DHX16: variants seen among roughly 807,000 people sequenced by gnomAD.
DHX16 encodes the protein DEAH-box helicase 16.
In DHX16, 81 loss-of-function variants were observed where a neutral mutation model predicts 131.2. The observed-to-expected ratio is 0.62, with a 90% confidence interval of 0.52 to 0.74. The LOEUF (loss-of-function observed/expected upper bound fraction) is 0.74, where lower values mean the gene tolerates loss of function less well. Ranked by LOEUF, DHX16 falls within the 30% of genes least tolerant of loss-of-function variation. The pLI is 0.00. For synonymous variants in DHX16, 440 were observed against 520.2 expected (o/e 0.85, Z 2.10); for missense variants, 980 against 1,363.1 (o/e 0.72, Z 4.43).
At chr6:30,667,694 G>A (rs1013807598) in intron 4 of DHX16, among the ~76,000 whole-genome samples, 1 of 152,038 alleles carries the variant, frequency 6.6e-6, no homozygotes, top group African/African-American at 2.4e-5. Context: ...TGGTAGAAAG[G>A]ATATTAATAC....
At chr6:30,657,330 T>TC (rs1304218017) in intron 12 of DHX16, among the ~76,000 whole-genome samples, 1 of 150,866 alleles carries the variant, frequency 6.6e-6, no homozygotes, top group African/African-American at 2.4e-5. Flanking sequence ...ATTTAGGGTT[T>TC]TTTTTTTTTT....
Position 30,671,233 on chromosome 6 carries a change from T to C in DHX16, c.249A>G (p.Ala83=). The part of the protein sequence containing the change: ...KAVVEKPARA[A]EREARALLEK... ...CCAGCAGGGCCCGGGCCTCTCGCTC[T>C]GCTGCCCGAGCTGGCTTTTCTACCA... The change falls in exon 2 of 20, where the codon GCA becomes GCG. Residue 83 remains alanine (A), a synonymous_variant. Coordinates refer to ENST00000376442, the MANE Select transcript of DHX16 (RefSeq NM_003587.5). 2 of 1,613,092 alleles carry C rather than the reference T, an allele frequency of 1.2e-6. No homozygotes were observed. Among genetic ancestry groups the C allele is most frequent in the Non-Finnish European group, 1.7e-6 (2 of 1,180,026 alleles).
In DHX16 at chr6:30,670,952, C is replaced by A; in HGVS notation, c.447G>T (p.Gly149=). ...GCTTCTCTGTCTGCTGTTTACTCCC[C>A]CTGCAGCCCATCCAGGGGATTAAAT... ...EASEKGKKKT[G]GSKQQTEKPE... Residue 149 remains glycine, a splice_region_variant and synonymous_variant, in exon 3 of 20, where the codon GGG becomes GGT. Coordinates refer to ENST00000376442, the MANE Select transcript of DHX16 (RefSeq NM_003587.5). This position sits in a 1 kb window ranked among gnomAD's most constrained non-coding sequence, Gnocchi z 4.4. 3.7e-6 allele frequency: 6 copies of A among 1,613,098 alleles called. No individual in the cohort carries two copies. Among genetic ancestry groups the A allele is most frequent in the Non-Finnish European group, 5.1e-6 (6 of 1,180,032 alleles).
Position 30,670,994 on chromosome 6 carries a change from C to CTTCA in DHX16, c.446+38_446+41dup, listed in dbSNP as rs1769485827. On this transcript the variant is annotated intron_variant, in intron 2 of 19. Transcript: ENST00000376442. This position sits in a 1 kb window ranked among gnomAD's most constrained non-coding sequence, Gnocchi z 4.4. Reference sequence around the variant, plus strand: ...GGATTAAATAAGGGCATAGAGAACACTTCAGCCTGCCCCATCCTCTCTCAC... The same window carrying CTTCA: ...GGATTAAATAAGGGCATAGAGAACACTTCATTCAGCCTGCCCCATCCTCTCTCAC... The CTTCA allele has an allele frequency of 6.2e-7, 1 of 1,612,920 alleles. No individual in the cohort carries two copies. The highest frequency in any genetic ancestry group is 1.7e-5 in the Admixed American group (1 of 60,002).
chr6:30,661,699 G>A, intron 9 of DHX16: 1 of 711,708 alleles, frequency 1.4e-6, no homozygotes, highest in South Asian at 1.5e-5. Flanking sequence ...CAAGTCCCAG[G>A]AACTCATCCC....
chr6:30,655,551 CAGAG>C lies in DHX16; in HGVS notation c.2541_2544del (p.Val849ThrfsTer33), dbSNP rs1249534302. 4 of 1,612,934 alleles carry C rather than the reference CAGAG, an allele frequency of 2.5e-6. No individual in the cohort carries two copies. In the African/African-American group the frequency reaches 4.0e-5, roughly 16 times the overall value. ...GGTCGGTAGAAGATGGAGTTGTTGACAGAGAGCATGGCAGCCACTGTCAGGATCT... is the reference window on the plus strand; with the variant it reads ...GGTCGGTAGAAGATGGAGTTGTTGACAGCATGGCAGCCACTGTCAGGATCT... On this transcript the variant is annotated frameshift_variant, in exon 17 of 20. Transcript: ENST00000376442. LOFTEE classifies it high-confidence loss of function.
In DHX16 at chr6:30,662,563, A is replaced by G; in HGVS notation, c.1544+64T>C. 1.4e-6 allele frequency: 2 copies of G among 1,387,568 alleles called. No homozygotes were observed. 86.0% of individuals were successfully genotyped at this position (1,387,568 alleles called of 1,614,324 possible). On this transcript the variant is annotated intron_variant, in intron 9 of 19. Coordinates refer to ENST00000376442, the MANE Select transcript of DHX16 (RefSeq NM_003587.5). The surrounding 1 kb of genome is among the most constrained non-coding windows in gnomAD (Gnocchi z 4.7). ...AGATTCAAGAACGGGTGGATTAATC[A>G]GAAGACAATGGCTGAATTGGCTGGG...
At position 30,656,890 on chromosome 6, in the gene DHX16, G is replaced by A. The variant is rs1768032861; in HGVS notation, c.2148+62C>T. Reference sequence around the variant, plus strand: ...CCTAGGAAGCCCCCACCCTGCTTCTGAGTTGGACCTTCTCTGTGGGCCAAC... The same window carrying A: ...CCTAGGAAGCCCCCACCCTGCTTCTAAGTTGGACCTTCTCTGTGGGCCAAC... On this transcript the variant is annotated intron_variant, in intron 13 of 19. Coordinates refer to ENST00000376442, the MANE Select transcript of DHX16 (RefSeq NM_003587.5). This position sits in a 1 kb window ranked among gnomAD's most constrained non-coding sequence, Gnocchi z 5.1. The A allele has an allele frequency of 5.0e-6, 8 of 1,592,524 alleles. No individual in the cohort carries two copies. Among genetic ancestry groups the A allele is most frequent in the Non-Finnish European group, 1.7e-6 (2 of 1,168,610 alleles).
Position 30,671,077 on chromosome 6 carries a change from T to G in DHX16, c.405A>C (p.Glu135Asp), listed in dbSNP as rs764580533. ...CTTTCTCAGAAGCCTCTTCCTCCTC[T>G]TCTTCCTCACGCTTCTTCCTGAGGT... Reference protein sequence around the residue: ...RKHLRKKREEEEEEEASEKGK... With the variant: ...RKHLRKKREEDEEEEASEKGK... Residue 135 changes from glutamate (E) to aspartate (D), a missense_variant, in exon 2 of 20, where the codon GAA (glutamate) becomes GAC (aspartate). Physicochemically the swap from Glu to Asp is conservative, Grantham distance 45 (BLOSUM62 2). Transcript: ENST00000376442. The G allele has an allele frequency of 1.2e-6, 2 of 1,613,116 alleles. No homozygotes were observed. The highest frequency in any genetic ancestry group is 3.3e-5 in the Admixed American group (2 of 60,024).
chr6:30,665,729 G>A lies in DHX16; in HGVS notation c.671C>T (p.Pro224Leu). 1 of 1,608,916 alleles carries A rather than the reference G, an allele frequency of 6.2e-7. No individual in the cohort carries two copies. Among genetic ancestry groups the A allele is most frequent in the Non-Finnish European group, 8.5e-7 (1 of 1,179,920 alleles). The change falls in exon 5 of 20, where the codon CCT becomes CTT. Residue 224 changes from proline to leucine, a missense_variant. Transcript: ENST00000376442. This position sits in a 1 kb window ranked among gnomAD's most constrained non-coding sequence, Gnocchi z 4.8. ...TCGGCGAGATTTCTTCCGCAGCTCA[G>A]GGACCTGAGTTGGGAAAGGACAGTC... The part of the protein sequence containing the change: ...MAEEDRKAMV[P>L]ELRKKSRREY...
chr6:30,665,194 A>G lies in DHX16; in HGVS notation c.1002T>C (p.Leu334=), dbSNP rs1210121946. The change falls in exon 6 of 20, where the codon CTT becomes CTC. Residue 334 remains leucine, a synonymous_variant. Transcript: ENST00000376442. The surrounding 1 kb of genome is among the most constrained non-coding windows in gnomAD (Gnocchi z 4.8). The part of the protein sequence containing the change: ...EEQRRWEEAR[L]GAASLKFGAR... The stretch of plus-strand genomic sequence containing the variant: ...CCCCAAACTTCAGGGACGCTGCCCC[A>G]AGCCGCGCCTCCTCCCAGCGCCGCT... 1 of 1,610,298 alleles carries G rather than the reference A, an allele frequency of 6.2e-7. No individual in the cohort carries two copies. Among genetic ancestry groups the G allele is most frequent in the East Asian group, 2.2e-5 (1 of 44,868 alleles).
chr6:30,667,364 C>T (rs1369484941), intron 4 of DHX16, among the ~76,000 whole-genome samples: 2 of 152,020 alleles, frequency 1.3e-5, no homozygotes, highest in Non-Finnish European at 2.9e-5. Flanking sequence ...AAGAGGATCA[C>T]GAAGTCAGGA....
At chr6:30,667,315 G>T (rs536904677) in intron 4 of DHX16, among the ~76,000 whole-genome samples, 5 of 152,216 alleles carry the variant, frequency 3.3e-5, no homozygotes, top group African/African-American at 1.2e-4. Flanking sequence ...GGGCGCGGTG[G>T]CTCACGCCTG....
rs1177984653 is a variant in DHX16 at position 30,665,377 on chromosome 6, A to C, written c.921+102T>G. ...CCGCCCACTGCCCATTGGGAACGGC[A>C]AGGCAAGAAAGGGGATGACCCACGT... is the stretch of plus-strand genomic sequence containing the variant. On this transcript the variant is annotated intron_variant, in intron 5 of 19. Coordinates refer to ENST00000376442, the MANE Select transcript of DHX16 (RefSeq NM_003587.5). The surrounding 1 kb of genome is among the most constrained non-coding windows in gnomAD (Gnocchi z 4.8). 6 of 1,581,706 alleles carry C rather than the reference A, an allele frequency of 3.8e-6. No individual in the cohort carries two copies. The Admixed American group carries it at 1.0e-4, about 27-fold the overall frequency.
At chr6:30,669,426 C>G (rs1769331759) in intron 4 of DHX16, among the ~76,000 whole-genome samples, 1 of 151,528 alleles carries the variant, frequency 6.6e-6, no homozygotes, top group African/African-American at 2.4e-5. Flanking sequence ...GACTCCATCT[C>G]AAAAATAAAT....
chr6:30,668,531 G>A (rs562295794), intron 4 of DHX16, among the ~76,000 whole-genome samples: 2 of 152,060 alleles, frequency 1.3e-5, no homozygotes, highest in Non-Finnish European at 2.9e-5. Flanking sequence ...CATGTCTGTA[G>A]TCCCAGCTGC....
At chr6:30,657,166 TAGG>T (rs1340889763) in intron 12 of DHX16, 74 bp from the exon 13 acceptor site, 40 of 1,505,868 alleles carry the variant, frequency 2.7e-5, no homozygotes, top group Non-Finnish European at 3.6e-5. Context: ...CTTGGAAAGT[TAGG>T]AGTAGTGAAG....
intron 9 of DHX16, 131 bp from the exon 10 acceptor site, chr6:30,660,373 T>A: frequency 1.4e-6 from 1 of 733,788 alleles, no homozygotes; most frequent in Non-Finnish European, 2.0e-6. Flanking sequence ...GAGGGGGCTC[T>A]AAGGAGAAGT....
Position 30,662,710 on chromosome 6 carries a change from T to G in DHX16, c.1461A>C (p.Thr487=). 1 of 1,613,070 alleles carries G rather than the reference T, an allele frequency of 6.2e-7. No homozygotes were observed. The highest frequency in any genetic ancestry group is 8.5e-7 in the Non-Finnish European group (1 of 1,180,032). Residue 487 remains threonine, a synonymous_variant, in exon 9 of 20, where the codon ACA becomes ACC. Coordinates refer to ENST00000376442, the MANE Select transcript of DHX16 (RefSeq NM_003587.5). This position sits in a 1 kb window ranked among gnomAD's most constrained non-coding sequence, Gnocchi z 4.7. ...TGTAGCGGAGGACAGTTCGCTCTGA[T>G]GTGCAGTCCTCAAAGCGGATGCTGT... The part of the protein sequence containing the change: ...VGYSIRFEDC[T]SERTVLRYMT...
Sources: gnomAD v4.1 joint callset for allele counts (sites outside exome capture counted in the v4.1 genomes callset) on GRCh38, gnomAD v4.1.1 for gene constraint, Gnocchi (gnomAD v3.1) non-coding constraint, MANE v1.5 for transcripts, NCBI Gene and HGNC (gene_info 2026-07-23, HGNC 2026-07-21) for gene names.